The following TNIK variants were observed in gnomAD, a reference collection of about 807,000 sequenced individuals.
The protein encoded by TNIK is TRAF2 and NCK interacting kinase, also known as TRAF2 and NCK-interacting protein kinase.
A neutral mutation model predicts 191.3 loss-of-function variants in TNIK; 49 were observed. The observed-to-expected ratio is 0.26, with a 90% CI of 0.20 to 0.32. The LOEUF (loss-of-function observed/expected upper bound fraction) is 0.32, where lower values mean the gene tolerates loss of function less well. Ranked by LOEUF, TNIK falls within the 10% of genes least tolerant of loss-of-function variation. The pLI, the probability that TNIK is intolerant of heterozygous loss-of-function variation, is 1.00. For missense variants in TNIK, 1,155 were observed against 1,702.3 expected, an observed-to-expected ratio of 0.68 and a Z score of 5.66; for synonymous variants, 594 against 600.9, an observed-to-expected ratio of 0.99 and a Z score of 0.17.
At chr3:171,146,430 A>T (rs2108659472) in intron 12 of TNIK, among the ~76,000 whole-genome samples, 1 of 152,334 alleles carries the variant, frequency 6.6e-6, no homozygotes, top group South Asian at 2.1e-4. Context: ...TGATATCCAC[A>T]TCTGAGAATT....
chr3:171,155,324 T>C (rs1159526998), intron 12 of TNIK, among the ~76,000 whole-genome samples: 1 of 152,134 alleles, frequency 6.6e-6, no homozygotes, highest in Admixed American at 6.5e-5. Context: ...ATGTCATGAC[T>C]AAGGGGTTCA....
intron 2 of TNIK, among the ~76,000 whole-genome samples, chr3:171,357,986 G>C (rs1283703198): frequency 6.6e-6 from 1 of 152,166 alleles, no homozygotes; most frequent in Non-Finnish European, 1.5e-5. Context: ...GGGCTACTCT[G>C]TGGAGGGAGG....
intron 2 of TNIK, among the ~76,000 whole-genome samples, chr3:171,307,562 T>C (rs777658515): frequency 6.4e-4 from 97 of 152,222 alleles, no homozygotes; most frequent in Non-Finnish European, 1.2e-3. Flanking sequence ...CTTACTTTTT[T>C]ACCACTAGTA....
intron 3 of TNIK, among the ~76,000 whole-genome samples, chr3:171,224,589 C>T (rs1212417862): frequency 6.6e-6 from 1 of 152,090 alleles, no homozygotes; most frequent in Non-Finnish European, 1.5e-5. Context: ...GAGGAGTTTA[C>T]AGAAAAGGCA....
intron 2 of TNIK, among the ~76,000 whole-genome samples, chr3:171,304,718 G>A (rs9838695): frequency 0.27 from 41,017 of 151,784 alleles, 5,895 homozygotes; most frequent in Non-Finnish European, 0.32. Flanking sequence ...TAGGGACATG[G>A]ATGAAGCTGG....
At chr3:171,152,312 G>A (rs13097790) in intron 12 of TNIK, among the ~76,000 whole-genome samples, 22,011 of 151,692 alleles carry the variant, frequency 0.15, 2,311 homozygotes, top group African/African-American at 0.29. Context: ...AAAAAAGGAA[G>A]AATGCATGGT....
At chr3:171,342,295 A>T (rs141450088) in intron 2 of TNIK, among the ~76,000 whole-genome samples, 7 of 152,336 alleles carry the variant, frequency 4.6e-5, no homozygotes, top group Non-Finnish European at 7.4e-5. Flanking sequence ...GCAGATGCTG[A>T]TGTTGGTGGT....
Position 171,320,749 on chromosome 3 carries a change from C to T in TNIK, c.123+48871G>A, listed in dbSNP as rs565100625. 3.9e-5 allele frequency among the ~76,000 whole-genome samples: 6 copies of T among 152,304 alleles called. No individual in the cohort carries two copies. The East Asian group carries it at 1.2e-3, about 29-fold the overall frequency. On this transcript the variant is annotated intron_variant, in intron 2 of 32. Coordinates refer to ENST00000436636, the MANE Select transcript of TNIK (RefSeq NM_015028.4). ...CTTCACGCAGAGTAATGCCATTTGG[C>T]CCTCATATTTCTTAGAAAGCTTTTG...
chr3:171,126,846 A>G (rs1560151623), intron 16 of TNIK, among the ~76,000 whole-genome samples: 1 of 152,248 alleles, frequency 6.6e-6, no homozygotes, highest in South Asian at 2.1e-4. Context: ...AACTAGGCCA[A>G]CTGGGCATGT....
chr3:171,449,460 A>C (rs183170008), intron 1 of TNIK, among the ~76,000 whole-genome samples: 32 of 152,316 alleles, frequency 2.1e-4, no homozygotes, highest in Admixed American at 1.5e-3. Context: ...CCCCATGAAA[A>C]AGAGTTTTAA....
chr3:171,254,437 CT>C (rs1746605245), intron 2 of TNIK, among the ~76,000 whole-genome samples: 1 of 152,218 alleles, frequency 6.6e-6, no homozygotes, highest in Non-Finnish European at 1.5e-5. Flanking sequence ...TTTGCTCACC[CT>C]TCCCCATATA....
chr3:171,306,258 C>T (rs1339349791), intron 2 of TNIK, among the ~76,000 whole-genome samples: 2 of 152,102 alleles, frequency 1.3e-5, no homozygotes, highest in African/African-American at 4.8e-5. Flanking sequence ...AAAAATCTGT[C>T]AGGTACTATG....
intron 1 of TNIK, among the ~76,000 whole-genome samples, chr3:171,420,075 G>A (rs951967223): frequency 2.0e-5 from 3 of 152,142 alleles, no homozygotes; most frequent in South Asian, 2.1e-4. Context: ...TTTCATGCCC[G>A]GAGCTGACAG....
At chr3:171,104,115 C>CCTTTT (rs1576818690) in intron 21 of TNIK, among the ~76,000 whole-genome samples, 1 of 152,018 alleles carries the variant, frequency 6.6e-6, no homozygotes, top group African/African-American at 2.4e-5. Context: ...GAGACATATA[C>CCTTTT]CAGAATCCCT....
intron 1 of TNIK, among the ~76,000 whole-genome samples, chr3:171,383,261 T>C (rs758104395): frequency 5.3e-5 from 8 of 152,216 alleles, no homozygotes; most frequent in Admixed American, 2.0e-4. Context: ...CTACATGGCC[T>C]AAACCAGAGC....
intron 14 of TNIK, 101 bp from the exon 15 acceptor site, chr3:171,138,480 A>C: frequency 2.7e-6 from 3 of 1,125,632 alleles, no homozygotes; most frequent in Non-Finnish European, 3.6e-6. Context: ...AAATAATGCT[A>C]AATAACAAAG....
intron 9 of TNIK, among the ~76,000 whole-genome samples, chr3:171,171,611 A>G (rs1735293347): frequency 6.6e-6 from 1 of 152,232 alleles, no homozygotes; most frequent in African/African-American, 2.4e-5. Flanking sequence ...TTTAAAGGGC[A>G]CATGAAAGAT....
At chr3:171,134,700 T>G (rs183561228) in intron 15 of TNIK, among the ~76,000 whole-genome samples, 4 of 152,338 alleles carry the variant, frequency 2.6e-5, no homozygotes, top group Admixed American at 2.6e-4. Context: ...CAACAAGATT[T>G]GCAAATGACT....
At chr3:171,173,248 T>C (rs1735552756) in intron 9 of TNIK, among the ~76,000 whole-genome samples, 1 of 148,968 alleles carries the variant, frequency 6.7e-6, no homozygotes, top group South Asian at 2.1e-4. Context: ...TACAAAAAAT[T>C]AGCAGGGCAT....
Sources: gnomAD v4.1 joint callset for allele counts (sites outside exome capture counted in the v4.1 genomes callset) on GRCh38, gnomAD v4.1.1 for gene constraint, MANE v1.5 for transcripts, NCBI Gene and HGNC (gene_info 2026-07-23, HGNC 2026-07-21) for gene names.